Variants in ZDHHC21 observed in about 807,000 individuals in gnomAD.
The protein encoded by ZDHHC21 is palmitoyltransferase ZDHHC21.
ZDHHC21 carries 15 observed loss-of-function variants against 34.6 expected under a neutral mutation model. The observed-to-expected ratio is 0.43, with a 90% CI of 0.29 to 0.67. ZDHHC21 has a LOEUF of 0.67. Ranked by LOEUF, ZDHHC21 falls within the 30% of genes least tolerant of loss-of-function variation. The pLI is 0.14. For missense variants in ZDHHC21, 344 were observed against 327.7 expected (o/e 1.05, Z -0.38); for synonymous variants, 142 against 101.8 (o/e 1.40, Z -2.38).
At chr9:14,671,461 C>A (rs1010912610) in intron 5 of ZDHHC21, among the ~76,000 whole-genome samples, 1 of 152,090 alleles carries the variant, frequency 6.6e-6, no homozygotes, top group African/African-American at 2.4e-5. Flanking sequence ...GTCAGTAAGT[C>A]TCTCACAGAT....
the ZDHHC21 span, among the ~76,000 whole-genome samples, chr9:14,604,892 G>C: frequency 6.6e-6 from 1 of 152,054 alleles, no homozygotes; most frequent in East Asian, 1.9e-4. Context: ...CCTCCCCACA[G>C]CAGCCACCAT....
At chr9:14,638,610 A>AC (rs1171100904) in intron 8 of ZDHHC21, among the ~76,000 whole-genome samples, 4 of 152,042 alleles carry the variant, frequency 2.6e-5, no homozygotes, top group African/African-American at 9.7e-5. Flanking sequence ...AGAATGAGAC[A>AC]AAACACTTGA....
In ZDHHC21 at chr9:14,639,944, T is replaced by C; in HGVS notation, c.573A>G (p.Leu191=). The change falls in exon 8 of 10, where the codon TTA becomes TTG. Residue 191 remains leucine, a synonymous_variant. Transcript: ENST00000380916. ...RLAAFMGITM[L]VGITGLFYTQ... is the part of the protein sequence containing the mutation. The stretch of plus-strand genomic sequence containing the variant: ...TGTAAAAGAGTCCAGTTATTCCAAC[T>C]AACATAGTAATGCCCATAAAGGCTG... The C allele has an allele frequency of 6.2e-7, 1 of 1,608,788 alleles. No homozygotes were observed. Among genetic ancestry groups the C allele is most frequent in the South Asian group, 1.1e-5 (1 of 90,088 alleles).
At chr9:14,677,454 GC>G (rs1836627141) in intron 3 of ZDHHC21, 1 of 151,884 alleles carries the variant, frequency 6.6e-6, no homozygotes. Context: ...ACCAGGCGTG[GC>G]TTATGGCTGA....
At position 14,618,896 on chromosome 9, in the gene ZDHHC21, G is replaced by A. The variant is rs1158538530; in HGVS notation, c.*70C>T. On this transcript the variant is annotated 3_prime_UTR_variant, in exon 10 of 10. Coordinates refer to ENST00000380916, the MANE Select transcript of ZDHHC21 (RefSeq NM_178566.6). ...TTTAATTGACTTGAAGACTGTCATA[G>A]TTCTATTATCATAAAACCTGTAACG... 4 of 1,473,956 alleles carry A rather than the reference G, an allele frequency of 2.7e-6. No homozygotes were observed. The highest frequency in any genetic ancestry group is 3.6e-6 in the Non-Finnish European group (4 of 1,105,642). 91.3% of individuals were successfully genotyped at this position (1,473,956 alleles called of 1,614,324 possible).
intron 8 of ZDHHC21, among the ~76,000 whole-genome samples, chr9:14,622,091 TGTC>T (rs1382525422): frequency 2.6e-5 from 4 of 152,122 alleles, no homozygotes; most frequent in Non-Finnish European, 5.9e-5. Flanking sequence ...TTTTACTATG[TGTC>T]GTCTACCAGA....
intron 8 of ZDHHC21, chr9:14,622,635 T>G: frequency 1.0e-6 from 1 of 985,120 alleles, no homozygotes; most frequent in Non-Finnish European, 1.2e-6. Flanking sequence ...AAGCAACACT[T>G]TGCCACATAT....
chr9:14,588,806 A>C, the ZDHHC21 span: 1 of 152,172 alleles, frequency 6.6e-6, no homozygotes, highest in African/African-American at 2.4e-5. Context: ...ATTCACAATC[A>C]ACTCTGGCTT....
At chr9:14,684,007 C>T (rs1047886390) in intron 2 of ZDHHC21, among the ~76,000 whole-genome samples, 9 of 152,234 alleles carry the variant, frequency 5.9e-5, no homozygotes, top group African/African-American at 2.4e-5. Context: ...AACAGCCCTT[C>T]ATGCTATAAA....
the ZDHHC21 span, among the ~76,000 whole-genome samples, chr9:14,592,391 G>T: frequency 2.6e-5 from 4 of 151,732 alleles, no homozygotes; most frequent in Admixed American, 2.0e-4. Context: ...GCTTCATGAA[G>T]GATTTTCTTA....
chr9:14,679,028 C>A (rs1836906271), intron 3 of ZDHHC21, among the ~76,000 whole-genome samples: 1 of 152,036 alleles, frequency 6.6e-6, no homozygotes, highest in Non-Finnish European at 1.5e-5. Flanking sequence ...AGGGAACTCT[C>A]TGTGGTGCTA....
chr9:14,590,264 G>A, the ZDHHC21 span, among the ~76,000 whole-genome samples: 1 of 151,990 alleles, frequency 6.6e-6, no homozygotes, highest in Admixed American at 6.6e-5. Context: ...CAGAAAAAAA[G>A]CCTTGGAAAA....
chr9:14,650,655 G>A (rs1028764450), intron 7 of ZDHHC21, among the ~76,000 whole-genome samples: 1 of 151,908 alleles, frequency 6.6e-6, no homozygotes, highest in Non-Finnish European at 1.5e-5. Context: ...CAAGTCTTCT[G>A]GCTATTTCTT....
At chr9:14,604,547 T>C in the ZDHHC21 span, among the ~76,000 whole-genome samples, 885 of 152,260 alleles carry the variant, frequency 5.8e-3, 13 homozygotes, top group African/African-American at 0.02. Flanking sequence ...GTTGAGGACT[T>C]AGATGTATCT....
chr9:14,678,281 C>G (rs955742339), intron 3 of ZDHHC21, among the ~76,000 whole-genome samples: 1 of 151,986 alleles, frequency 6.6e-6, no homozygotes, highest in Non-Finnish European at 1.5e-5. Flanking sequence ...ACCAATCAAC[C>G]ATGTCTGACC....
rs1241646501 is a variant in ZDHHC21 at position 14,614,823 on chromosome 9, T to C, written c.*4143A>G. On this transcript the variant is annotated 3_prime_UTR_variant, in exon 10 of 10. Coordinates refer to ENST00000380916, the MANE Select transcript of ZDHHC21 (RefSeq NM_178566.6). Reference sequence around the variant, plus strand: ...GTGAAAATCTAATATTTGTATCTATTAGCAAACTACTCAATGTTTGTATGT... The same window carrying C: ...GTGAAAATCTAATATTTGTATCTATCAGCAAACTACTCAATGTTTGTATGT... 3 of 151,718 alleles carry C rather than the reference T, an allele frequency of 2.0e-5. No individual in the cohort carries two copies. Among genetic ancestry groups the C allele is most frequent in the Admixed American group, 6.6e-5 (1 of 15,172 alleles). The allele number at this position is 151,718 out of a possible 1,614,324, so 9.4% of individuals were successfully genotyped here.
At position 14,653,892 on chromosome 9, in the gene ZDHHC21, A is replaced by G. The variant is rs536935096; in HGVS notation, c.504+4857T>C. 1.6e-3 allele frequency among the ~76,000 whole-genome samples: 246 copies of G among 152,150 alleles called. 1 individual carries two copies. The highest frequency in any genetic ancestry group is 5.6e-3 in the African/African-American group (232 of 41,550). On this transcript the variant is annotated intron_variant, in intron 7 of 9. Transcript: ENST00000380916. ...AAAAACACTATTAAAAGCCAGATAA[A>G]ATCCAATTAATTAATAAATACACAG...
intron 6 of ZDHHC21, among the ~76,000 whole-genome samples, chr9:14,659,680 T>C (rs148959235): frequency 4.7e-4 from 71 of 152,352 alleles, no homozygotes; most frequent in African/African-American, 1.6e-3. Flanking sequence ...AGAAACGATG[T>C]AACAGGTTTC....
the ZDHHC21 span, among the ~76,000 whole-genome samples, chr9:14,599,691 T>G: frequency 6.6e-6 from 1 of 151,984 alleles, no homozygotes; most frequent in African/African-American, 2.4e-5. Context: ...CCCAGCAAGC[T>G]AAGATCCACT....
Sources: gnomAD v4.1 joint callset for allele counts (sites outside exome capture counted in the v4.1 genomes callset) on GRCh38, gnomAD v4.1.1 for gene constraint, MANE v1.5 for transcripts, NCBI Gene and HGNC (gene_info 2026-07-23, HGNC 2026-07-21) for gene names.